The following RAD51B variants were observed in gnomAD, a reference collection of about 807,000 sequenced individuals.
RAD51B encodes RAD51 paralog B.
A neutral mutation model predicts 42.2 loss-of-function variants in RAD51B; 38 were observed. The observed-to-expected ratio is 0.90, with a 90% CI of 0.70 to 1.18. RAD51B has a LOEUF of 1.18. RAD51B is among the 50% of genes most tolerant of loss of function. The pLI is 0.00. For missense variants in RAD51B, 373 were observed against 400.7 expected, an observed-to-expected ratio of 0.93 and a Z score of 0.59; for synonymous variants, 154 against 145.2, an observed-to-expected ratio of 1.06 and a Z score of -0.43.
chr14:67,903,690 T>A (rs752588456), intron 7 of RAD51B, among the ~76,000 whole-genome samples: 1 of 152,198 alleles, frequency 6.6e-6, no homozygotes, highest in Non-Finnish European at 1.5e-5. Context: ...CTTCTACAAC[T>A]GAGGATAGCC....
chr14:67,916,985 C>T (rs1262285254), intron 7 of RAD51B, among the ~76,000 whole-genome samples: 2 of 152,068 alleles, frequency 1.3e-5, no homozygotes, highest in African/African-American at 4.8e-5. Context: ...ATACTGAATA[C>T]AGAAGAAAGG....
In RAD51B at chr14:68,497,599, T is replaced by C. The variant is rs1884623384; in HGVS notation, c.1036+29349T>C. On this transcript the variant is annotated intron_variant, in intron 10 of 10. Coordinates refer to the RAD51B transcript ENST00000487270. ...ACAATTCCGTGGCAACTAGATATCATGATGTGCAACCAGCATCTCTGTCTA... is the reference window on the plus strand; with the variant it reads ...ACAATTCCGTGGCAACTAGATATCACGATGTGCAACCAGCATCTCTGTCTA... 6 of 884,026 alleles carry C rather than the reference T, an allele frequency of 6.8e-6. No individual in the cohort carries two copies. In the South Asian group the frequency reaches 2.7e-4, roughly 40 times the overall value. 54.8% of individuals were successfully genotyped at this position (884,026 alleles called of 1,614,324 possible). A position where few individuals can be genotyped will look rare whatever the true frequency, so the allele number is the denominator to read the frequency against.
chr14:68,414,213 A>T (rs1343239952), intron 9 of RAD51B, among the ~76,000 whole-genome samples: 3 of 152,202 alleles, frequency 2.0e-5, no homozygotes, highest in African/African-American at 7.2e-5. Flanking sequence ...AAATTTTATA[A>T]CCAAGAAAGA....
Position 68,163,279 on chromosome 14 carries a change from C to A in RAD51B, c.757-128605C>A, listed in dbSNP as rs1290761788. On this transcript the variant is annotated intron_variant, in intron 7 of 10. Coordinates refer to ENST00000471583, the MANE Select transcript of RAD51B (RefSeq NM_133510.4). ...TTTTGCCAGTTTTATACAAATAATT[C>A]TTCTTGTTTTCCAAATTCTCATGAC... 2.0e-5 allele frequency among the ~76,000 whole-genome samples: 3 copies of A among 152,216 alleles called. No individual in the cohort carries two copies. The East Asian group carries it at 5.8e-4, about 29-fold the overall frequency.
intron 4 of RAD51B, among the ~76,000 whole-genome samples, chr14:67,848,436 A>C (rs576511178): frequency 2.6e-5 from 4 of 152,234 alleles, no homozygotes; most frequent in Non-Finnish European, 5.9e-5. Flanking sequence ...TTTGCCTGCT[A>C]GCTCTTTCTT....
intron 7 of RAD51B, among the ~76,000 whole-genome samples, chr14:68,168,928 G>C (rs561078084): frequency 6.6e-6 from 1 of 152,218 alleles, no homozygotes; most frequent in South Asian, 2.1e-4. Context: ...CATGTTCAGC[G>C]AGTACATTTC....
Position 68,141,412 on chromosome 14 carries a change from T to G in RAD51B, c.757-150472T>G, listed in dbSNP as rs984013356. ...ACTAAAAGTTTTGAGAATTGCTGCT[T>G]TTTCTCTGCATGGGAAAGAATATAC... On this transcript the variant is annotated intron_variant, in intron 7 of 10. Coordinates refer to ENST00000471583, the MANE Select transcript of RAD51B (RefSeq NM_133510.4). 2.6e-5 allele frequency among the ~76,000 whole-genome samples: 4 copies of G among 152,188 alleles called. No homozygotes were observed. The East Asian group carries it at 7.7e-4, about 29-fold the overall frequency.
At chr14:68,042,443 T>C (rs1353987906) in intron 7 of RAD51B, among the ~76,000 whole-genome samples, 1 of 152,214 alleles carries the variant, frequency 6.6e-6, no homozygotes, top group East Asian at 1.9e-4. Flanking sequence ...AGAGGAATAG[T>C]TGTTTCCTAC....
At chr14:68,605,515 CAAG>C (rs780779299) in intron 10 of RAD51B, among the ~76,000 whole-genome samples, 2 of 152,232 alleles carry the variant, frequency 1.3e-5, no homozygotes, top group African/African-American at 4.8e-5. Flanking sequence ...AACAGTTTAA[CAAG>C]AAGGGAAACT....
rs376273834 is a variant in RAD51B at position 68,143,021 on chromosome 14, G to C, written c.757-148863G>C. Reference sequence around the variant, plus strand: ...AAAAAGGCGCGGAGGGCGAGGGGGTGGGGGGGGAGTTATTATGCTGTCTGA... The same window carrying C: ...AAAAAGGCGCGGAGGGCGAGGGGGTCGGGGGGGAGTTATTATGCTGTCTGA... On this transcript the variant is annotated intron_variant, in intron 7 of 10. Transcript: ENST00000471583. Among the ~76,000 whole-genome samples the C allele has an allele frequency of 1.3e-3, 189 of 146,780 alleles. 2 individuals carry two copies. Among genetic ancestry groups the C allele is most frequent in the East Asian group, 6.6e-3 (34 of 5,146 alleles).
At chr14:68,114,197 G>A (rs1055457832) in intron 7 of RAD51B, 1 of 152,052 alleles carries the variant, frequency 6.6e-6, no homozygotes, top group African/African-American at 2.4e-5. Flanking sequence ...ATCATTGCTA[G>A]TGACAGCCTT....
downstream of RAD51B, among the ~76,000 whole-genome samples, chr14:68,480,109 G>A (rs1883054437): frequency 6.6e-6 from 1 of 152,104 alleles, no homozygotes; most frequent in Admixed American, 6.5e-5. Flanking sequence ...GTGTTGCTCT[G>A]TCACCCAGGT....
chr14:67,978,140 A>T (rs2075028734), intron 7 of RAD51B, among the ~76,000 whole-genome samples: 1 of 151,992 alleles, frequency 6.6e-6, no homozygotes, highest in Non-Finnish European at 1.5e-5. Context: ...TTGGGCTATT[A>T]TTTGCACATT....
intron 7 of RAD51B, among the ~76,000 whole-genome samples, chr14:68,166,230 G>A (rs1453865616): frequency 6.9e-6 from 1 of 145,722 alleles, no homozygotes; most frequent in Non-Finnish European, 1.5e-5. Flanking sequence ...TAGTCCACTA[G>A]CCAACCTGAC....
chr14:68,039,438 A>G (rs1362215883), intron 7 of RAD51B, among the ~76,000 whole-genome samples: 1 of 151,924 alleles, frequency 6.6e-6, no homozygotes, highest in East Asian at 1.9e-4. Context: ...AAAAAAAAAA[A>G]AAAAAAAAAG....
chr14:68,122,654 G>A (rs1361368544), intron 7 of RAD51B, among the ~76,000 whole-genome samples: 1 of 152,156 alleles, frequency 6.6e-6, no homozygotes, highest in Non-Finnish European at 1.5e-5. Context: ...TTAAATGCAT[G>A]TATCCTTTGA....
intron 7 of RAD51B, among the ~76,000 whole-genome samples, chr14:68,072,070 A>ATAATTATATATAATTATATATAATT (rs1440869222): frequency 9.6e-5 from 10 of 104,706 alleles, no homozygotes; most frequent in African/African-American, 5.0e-4. Flanking sequence ...TATTTATATA[A>ATAATTATATATAATTATATATAATT]ATATATAAAT....
At chr14:68,159,545 G>A (rs2078591800) in intron 7 of RAD51B, among the ~76,000 whole-genome samples, 1 of 151,708 alleles carries the variant, frequency 6.6e-6, no homozygotes, top group Non-Finnish European at 1.5e-5. Context: ...ACTTGAACCT[G>A]GGAGGTGGAG....
chr14:67,837,321 T>A (rs1211103325), intron 4 of RAD51B, among the ~76,000 whole-genome samples: 1 of 150,972 alleles, frequency 6.6e-6, no homozygotes, highest in Non-Finnish European at 1.5e-5. Context: ...CTTACTTATT[T>A]AAATAGCAAA....
Sources: gnomAD v4.1 joint callset for allele counts (sites outside exome capture counted in the v4.1 genomes callset) on GRCh38, gnomAD v4.1.1 for gene constraint, MANE v1.5 for transcripts, NCBI Gene and HGNC (gene_info 2026-07-23, HGNC 2026-07-21) for gene names.